BTBD10: variants seen among roughly 807,000 people sequenced by gnomAD.
The protein encoded by BTBD10 is BTB/POZ domain-containing protein 10.
BTBD10 carries 21 observed loss-of-function variants against 53.2 expected under a neutral mutation model. That is an observed-to-expected ratio of 0.39 (90% CI 0.28 to 0.57). BTBD10 has a LOEUF of 0.57. BTBD10 is among the 20% of genes least tolerant of loss of function. The probability of loss-of-function intolerance (pLI) is 0.53; values close to 1 mark genes in which losing one functional copy is unlikely to be tolerated. For missense variants in BTBD10, 360 were observed against 594.7 expected, an observed-to-expected ratio of 0.61 and a Z score of 4.10; for synonymous variants, 149 against 192.7, an observed-to-expected ratio of 0.77 and a Z score of 1.88.
At chr11:13,399,900 C>T (rs1248375249) in intron 8 of BTBD10, among the ~76,000 whole-genome samples, 2 of 152,300 alleles carry the variant, frequency 1.3e-5, no homozygotes, top group Non-Finnish European at 2.9e-5. Context: ...CTGATCGTTC[C>T]TCTGGAAGTT....
intron 1 of BTBD10, chr11:13,462,830 C>G (rs986524245): frequency 1.3e-5 from 2 of 152,188 alleles, no homozygotes; most frequent in Non-Finnish European, 2.9e-5. Context: ...CCTTCATCCC[C>G]GGAGAAAGGC....
intron 2 of BTBD10, among the ~76,000 whole-genome samples, chr11:13,423,265 G>T (rs970657883): frequency 1.5e-4 from 23 of 152,170 alleles, no homozygotes; most frequent in African/African-American, 5.3e-4. Context: ...ACAGAAGGAA[G>T]TTCATGGCTT....
At chr11:13,441,737 C>G in intron 2 of BTBD10, among the ~76,000 whole-genome samples, 1 of 152,050 alleles carries the variant, frequency 6.6e-6, no homozygotes, top group Non-Finnish European at 1.5e-5. Flanking sequence ...AAAATTTCAA[C>G]AAGACAAAAT....
Position 13,419,431 on chromosome 11 carries a change from G to C in BTBD10, c.584+29C>G, listed in dbSNP as rs781525758. The C allele has an allele frequency of 9.4e-6, 15 of 1,594,430 alleles. 1 individual carries two copies. The South Asian group carries it at 1.0e-4, about 11-fold the overall frequency. ...TGGCAGTAAAAGCACATTATAATTA[G>C]TAATGCAAATAACTGCAATAATACA... On this transcript the variant is annotated intron_variant, in intron 4 of 8. Transcript: ENST00000278174.
In BTBD10 at chr11:13,430,974, T is replaced by TACACACACACACACACACACAC. The variant is rs3046409; in HGVS notation, c.102-9158_102-9137dup. ...TATGGTAAGGTTTTATGGAGATACA[T>TACACACACACACACACACACAC]ACACACACACACACACACACACACA... On this transcript the variant is annotated intron_variant, in intron 2 of 8. Transcript: ENST00000278174. Among the ~76,000 whole-genome samples, 13 of 144,490 alleles carry TACACACACACACACACACACAC rather than the reference T, an allele frequency of 9.0e-5. 1 individual carries two copies. The highest frequency in any genetic ancestry group is 3.1e-4 in the African/African-American group (12 of 39,188). The allele number at this position is 144,490 out of a possible 152,430, so 94.8% of individuals were successfully genotyped here.
Position 13,397,888 on chromosome 11 carries a change from T to A in BTBD10, c.1117+5280A>T, listed in dbSNP as rs574906917. Among the ~76,000 whole-genome samples the A allele has an allele frequency of 2.3e-3, 344 of 152,374 alleles. 1 individual carries two copies. The highest frequency in any genetic ancestry group is 7.9e-3 in the African/African-American group (329 of 41,586). On this transcript the variant is annotated intron_variant, in intron 8 of 8. Coordinates refer to ENST00000278174, the MANE Select transcript of BTBD10 (RefSeq NM_032320.7). Reference sequence around the variant, plus strand: ...TCTTAATCCTGAGTTCTAGTTGGATTGCACTGTGGTCTAAGAGACAGTTTG... The same window carrying A: ...TCTTAATCCTGAGTTCTAGTTGGATAGCACTGTGGTCTAAGAGACAGTTTG...
At position 13,449,046 on chromosome 11, in the gene BTBD10, T is replaced by C. The variant is rs1003444624; in HGVS notation, c.-57-3865A>G. Among the ~76,000 whole-genome samples the C allele has an allele frequency of 2.0e-5, 3 of 152,178 alleles. No individual in the cohort carries two copies. In the East Asian group the frequency reaches 5.8e-4, roughly 29 times the overall value. On this transcript the variant is annotated intron_variant, in intron 1 of 8. Coordinates refer to ENST00000278174, the MANE Select transcript of BTBD10 (RefSeq NM_032320.7). Reference sequence around the variant, plus strand: ...GGCTAGGGGCAGGCATTCAGGAGACTGCCAAAAGTTAACTGAGAAAAAGAT... The same window carrying C: ...GGCTAGGGGCAGGCATTCAGGAGACCGCCAAAAGTTAACTGAGAAAAAGAT...
At chr11:13,389,414 T>C (rs932810459) in intron 8 of BTBD10, among the ~76,000 whole-genome samples, 6 of 147,818 alleles carry the variant, frequency 4.1e-5, no homozygotes, top group Admixed American at 1.4e-4. Flanking sequence ...GGAGCAGATC[T>C]TGGTCTCTAG....
At chr11:13,394,544 TA>T (rs1264041667) in intron 8 of BTBD10, among the ~76,000 whole-genome samples, 3 of 152,216 alleles carry the variant, frequency 2.0e-5, no homozygotes, top group Non-Finnish European at 4.4e-5. Context: ...TAGTTCTTTT[TA>T]TTTTTTTATT....
intron 7 of BTBD10, 66 bp from the exon 8 acceptor site, chr11:13,403,344 T>G: frequency 3.3e-6 from 3 of 921,548 alleles, no homozygotes; most frequent in African/African-American, 3.5e-5. Flanking sequence ...CTTAAATTTA[T>G]CTTGCTCATC....
intron 8 of BTBD10, among the ~76,000 whole-genome samples, chr11:13,391,652 T>G (rs1949407287): frequency 6.6e-6 from 1 of 152,186 alleles, no homozygotes; most frequent in South Asian, 2.1e-4. Flanking sequence ...TCTTCCAATA[T>G]CCATCTTACT....
chr11:13,418,756 C>A (rs998155659), intron 4 of BTBD10, among the ~76,000 whole-genome samples: 3 of 151,964 alleles, frequency 2.0e-5, no homozygotes, highest in Non-Finnish European at 2.9e-5. Context: ...CATGCCCATG[C>A]CCTTTCATTT....
At chr11:13,430,873 T>C (rs1160132003) in intron 2 of BTBD10, among the ~76,000 whole-genome samples, 2 of 151,842 alleles carry the variant, frequency 1.3e-5, no homozygotes, top group Non-Finnish European at 2.9e-5. Flanking sequence ...GAAAGGGGTA[T>C]AGGAGTTCAA....
intron 1 of BTBD10, among the ~76,000 whole-genome samples, chr11:13,459,038 ATTTATTTT>A (rs1484211217): frequency 8.8e-4 from 131 of 148,134 alleles, no homozygotes; most frequent in African/African-American, 3.2e-3. Flanking sequence ...TTATTTATTT[ATTTATTTT>A]TTTATTTATT....
intron 1 of BTBD10, among the ~76,000 whole-genome samples, chr11:13,460,051 A>G (rs1046864369): frequency 1.3e-5 from 2 of 152,226 alleles, no homozygotes; most frequent in Non-Finnish European, 2.9e-5. Context: ...CCTCACAAAC[A>G]TAATACATAT....
At chr11:13,403,118 C>A (rs770381072) in intron 8 of BTBD10, 50 bp downstream of exon 8, 1 of 1,147,248 alleles carries the variant, frequency 8.7e-7, no homozygotes, top group African/African-American at 1.6e-5. Context: ...TTGTTTTTAA[C>A]CTTTTTGTTT....
intron 8 of BTBD10, among the ~76,000 whole-genome samples, chr11:13,395,509 G>A (rs942606435): frequency 5.3e-5 from 8 of 152,156 alleles, no homozygotes; most frequent in South Asian, 2.1e-4. Flanking sequence ...CTCTGATGGT[G>A]GTTTCTTTTG....
In BTBD10 at chr11:13,445,149, C is replaced by T. The variant is rs759221794; in HGVS notation, c.-25G>A. ...TCCCACTCCAAGCTTCCTCACACTA[C>T]TGCTCTGAAAGCACACATGTAGCAC... On this transcript the variant is annotated 5_prime_UTR_variant, in exon 2 of 9. Transcript: ENST00000278174. 2.1e-5 allele frequency: 33 copies of T among 1,567,410 alleles called. No individual in the cohort carries two copies. In the East Asian group the frequency reaches 7.2e-4, roughly 34 times the overall value.
At chr11:13,425,161 C>G (rs1950312806) in intron 2 of BTBD10, among the ~76,000 whole-genome samples, 1 of 152,140 alleles carries the variant, frequency 6.6e-6, no homozygotes, top group Non-Finnish European at 1.5e-5. Context: ...CATACAGGGT[C>G]AGGAATAGGT....
Sources: allele counts gnomAD v4.1 joint callset (sites outside exome capture counted in the v4.1 genomes callset), GRCh38; gene constraint gnomAD v4.1.1; transcripts MANE v1.5; gene names NCBI Gene and HGNC (gene_info 2026-07-23, HGNC 2026-07-21).